The following ETFA variants were observed in gnomAD, a reference collection of about 807,000 sequenced individuals.
ETFA encodes electron transfer flavoprotein subunit alpha.
A neutral mutation model predicts 46.2 loss-of-function variants in ETFA; 22 were observed. The observed-to-expected ratio is 0.48, with a 90% confidence interval of 0.34 to 0.68. The LOEUF (loss-of-function observed/expected upper bound fraction) is 0.68, where lower values mean the gene tolerates loss of function less well. Among genes scored for constraint, ETFA ranks in the 30% least tolerant of loss-of-function variants. ETFA has a pLI of 0.01. For missense variants in ETFA, 345 were observed against 401.1 expected (o/e 0.86, Z 1.19); for synonymous variants, 131 against 139.9 (o/e 0.94, Z 0.45).
intron 11 of ETFA, among the ~76,000 whole-genome samples, chr15:76,218,854 G>A (rs2038926291): frequency 1.3e-5 from 2 of 152,202 alleles, no homozygotes; most frequent in African/African-American, 2.4e-5. Context: ...GGGAAACAGA[G>A]AAGCTCTCTG....
intron 10 of ETFA, chr15:76,228,751 C>CCTT (rs2039031438): frequency 8.7e-6 from 1 of 115,090 alleles, no homozygotes; most frequent in Non-Finnish European, 1.7e-5. Context: ...ATTATTATTA[C>CCTT]TTTTTTTTTT....
chr15:76,259,625 C>T (rs1434548836), intron 9 of ETFA: 9 of 882,610 alleles, frequency 1.0e-5, no homozygotes, highest in Admixed American at 5.1e-5. Context: ...GGGCCAGCCA[C>T]TTGACGGGCA....
chr15:76,235,588 T>G (rs2039114363), intron 9 of ETFA, among the ~76,000 whole-genome samples: 1 of 152,228 alleles, frequency 6.6e-6, no homozygotes, highest in Non-Finnish European at 1.5e-5. Context: ...GTTGATATTC[T>G]TACTGTACCT....
Position 76,283,795 on chromosome 15 carries a change from T to C in ETFA, c.695A>G (p.Lys232Arg). Reference sequence around the variant, plus strand: ...TTGATCTGCCAAGTCATATAACAACTTAAAGTTCTCTCCACTCTTCAAGCC... The same window carrying C: ...TTGATCTGCCAAGTCATATAACAACCTAAAGTTCTCTCCACTCTTCAAGCC... ...GRGLKSGENF[K>R]LLYDLADQLH... is the part of the protein sequence containing the mutation. Residue 232 changes from lysine to arginine, a missense_variant, in exon 8 of 12, where the codon AAG becomes AGG. Lys to Arg is a conservative substitution (Grantham distance 26). Coordinates refer to ENST00000557943, the MANE Select transcript of ETFA (RefSeq NM_000126.4). 1 of 1,612,592 alleles carries C rather than the reference T, an allele frequency of 6.2e-7. No individual in the cohort carries two copies. Among genetic ancestry groups the C allele is most frequent in the Non-Finnish European group, 8.5e-7 (1 of 1,178,834 alleles).
chr15:76,272,697 G>C (rs1323956948), intron 9 of ETFA, among the ~76,000 whole-genome samples: 4 of 151,902 alleles, frequency 2.6e-5, no homozygotes, highest in Non-Finnish European at 5.9e-5. Context: ...GGCTGAAGTG[G>C]CAGGATTAAT....
chr15:76,265,542 T>C (rs1340596620), intron 9 of ETFA, among the ~76,000 whole-genome samples: 1 of 152,214 alleles, frequency 6.6e-6, no homozygotes, highest in African/African-American at 2.4e-5. Flanking sequence ...TTTATTGCTT[T>C]AAATCAATGG....
intron 9 of ETFA, among the ~76,000 whole-genome samples, chr15:76,266,232 CT>C (rs949980551): frequency 3.3e-5 from 5 of 151,940 alleles, no homozygotes; most frequent in Admixed American, 2.0e-4. Flanking sequence ...TAAAGGATTG[CT>C]TTTTTTACCA....
chr15:76,283,110 A>G (rs1468824929), intron 8 of ETFA, among the ~76,000 whole-genome samples: 1 of 152,234 alleles, frequency 6.6e-6, no homozygotes, highest in African/African-American at 2.4e-5. Flanking sequence ...TATAAGAGTT[A>G]TATTAAGACC....
chr15:76,252,865 ATG>A (rs1037598714), intron 9 of ETFA, among the ~76,000 whole-genome samples: 1 of 138,234 alleles, frequency 7.2e-6, no homozygotes, highest in Non-Finnish European at 1.6e-5. Context: ...TTCAGAAAAA[ATG>A]TATGTGTATA....
rs891084867 is a variant in ETFA, at chr15:76,303,872, C to T, written c.39+7478G>A. ...AGGATGTAAATTAGTTCAGCCACTG[C>T]GGAAAGCAATGTGGCGATTTCTCAA... On this transcript the variant is annotated intron_variant, in intron 1 of 11. Coordinates refer to ENST00000557943, the MANE Select transcript of ETFA (RefSeq NM_000126.4). Among the ~76,000 whole-genome samples, 4 of 152,208 alleles carry T rather than the reference C, an allele frequency of 2.6e-5. No individual in the cohort carries two copies. The South Asian group carries it at 6.2e-4, about 24-fold the overall frequency.
chr15:76,233,938 T>C (rs1263933463), intron 9 of ETFA, among the ~76,000 whole-genome samples: 1 of 152,138 alleles, frequency 6.6e-6, no homozygotes, highest in Non-Finnish European at 1.5e-5. Context: ...AAATGTTGAT[T>C]CACTCTGGCA....
chr15:76,300,116 C>T (rs960674052), intron 1 of ETFA, among the ~76,000 whole-genome samples: 2 of 152,158 alleles, frequency 1.3e-5, no homozygotes, highest in Admixed American at 1.3e-4. Context: ...CTGACTACTC[C>T]CTTCTGCCTT....
intron 9 of ETFA, among the ~76,000 whole-genome samples, chr15:76,248,314 C>T (rs773230687): frequency 3.3e-5 from 5 of 152,060 alleles, no homozygotes; most frequent in Non-Finnish European, 5.9e-5. Context: ...ATAAATGGTG[C>T]TGAGGTACCT....
chr15:76,243,950 G>T (rs1401916789), intron 9 of ETFA, among the ~76,000 whole-genome samples: 1 of 151,850 alleles, frequency 6.6e-6, no homozygotes, highest in Non-Finnish European at 1.5e-5. Flanking sequence ...GCGATGGTGC[G>T]ATCTCAGCTC....
intron 1 of ETFA, among the ~76,000 whole-genome samples, chr15:76,310,906 T>C (rs1029010031): frequency 2.3e-5 from 3 of 132,388 alleles, no homozygotes; most frequent in Non-Finnish European, 4.7e-5. Context: ...GCGCCCAAAG[T>C]GTTTAATTCT....
At chr15:76,276,836 T>C (rs773989552) in intron 8 of ETFA, among the ~76,000 whole-genome samples, 4 of 152,270 alleles carry the variant, frequency 2.6e-5, no homozygotes, top group African/African-American at 9.6e-5. Flanking sequence ...TCTGCTTATA[T>C]TGCACATCTT....
chr15:76,261,554 C>T, intron 9 of ETFA: 1 of 597,318 alleles, frequency 1.7e-6, no homozygotes, highest in East Asian at 3.0e-5. Flanking sequence ...TTTGCCGGGA[C>T]TCCCACGAGC....
At chr15:76,232,534 T>A (rs1240828196) in intron 9 of ETFA, among the ~76,000 whole-genome samples, 2 of 152,246 alleles carry the variant, frequency 1.3e-5, no homozygotes, top group East Asian at 3.9e-4. Flanking sequence ...ACAGGGCAGA[T>A]ACTTCAAAAG....
chr15:76,252,617 A>T (rs1439143846), intron 9 of ETFA, among the ~76,000 whole-genome samples: 1 of 152,210 alleles, frequency 6.6e-6, no homozygotes, highest in Admixed American at 6.5e-5. Context: ...ATAACTTAAG[A>T]CTAAAGAGAT....
Sources: allele counts gnomAD v4.1 joint callset (sites outside exome capture counted in the v4.1 genomes callset), GRCh38; gene constraint gnomAD v4.1.1; transcripts MANE v1.5; gene names NCBI Gene and HGNC (gene_info 2026-07-23, HGNC 2026-07-21).